ADK: variants seen among roughly 807,000 people sequenced by gnomAD.
The protein encoded by ADK is adenosine kinase, also known as N6,N6-dimethyladenosine kinase.
Under a neutral mutation model 44.7 loss-of-function variants are expected in ADK, and 24 were observed. That is an observed-to-expected ratio of 0.54 (90% CI 0.39 to 0.76). ADK has a LOEUF of 0.76. ADK is among the 30% of genes least tolerant of loss of function. The probability of loss-of-function intolerance (pLI) is 0.00; values close to 1 mark genes in which losing one functional copy is unlikely to be tolerated. For synonymous variants in ADK, 128 were observed against 142.6 expected, an observed-to-expected ratio of 0.90 and a Z score of 0.73; for missense variants, 321 against 425.1, an observed-to-expected ratio of 0.76 and a Z score of 2.15.
At chr10:74,701,314 A>AGT (rs139941280) in intron 10 of ADK, among the ~76,000 whole-genome samples, 2 of 151,856 alleles carry the variant, frequency 1.3e-5, no homozygotes, top group Non-Finnish European at 2.9e-5. Flanking sequence ...TATGGATGTA[A>AGT]GTGTGTGTGT....
chr10:74,355,990 ACTAAATAATTCAT>A (rs1842123752), intron 4 of ADK, among the ~76,000 whole-genome samples: 2 of 137,046 alleles, frequency 1.5e-5, no homozygotes, highest in Non-Finnish European at 3.2e-5. Context: ...GAAATATTTC[ACTAAATAATTCAT>A]TTTTTTTTTT....
rs201587599 is a variant in ADK, at chr10:74,160,687, A to AGG, written c.65+9347_65+9348dup. On this transcript the variant is annotated intron_variant, in intron 1 of 10. Coordinates refer to ENST00000539909, the MANE Select transcript of ADK (RefSeq NM_006721.4). ...TAGGGGTGTGTGCGTGCATGCAGGT[A>AGG]GGGGTGTGTGTGTGTGTGTGTGTGT... Among the ~76,000 whole-genome samples, 227 of 135,654 alleles carry AGG rather than the reference A, an allele frequency of 1.7e-3. 1 individual carries two copies. The highest frequency in any genetic ancestry group is 6.0e-3 in the African/African-American group (206 of 34,412). 89.0% of individuals were successfully genotyped at this position (135,654 alleles called of 152,430 possible).
chr10:74,222,256 A>C (rs1844340430), intron 2 of ADK, among the ~76,000 whole-genome samples: 2 of 152,342 alleles, frequency 1.3e-5, no homozygotes, highest in South Asian at 4.1e-4. Flanking sequence ...AAACACATGA[A>C]AAAATGCTCA....
intron 9 of ADK, among the ~76,000 whole-genome samples, chr10:74,606,652 C>T (rs1852333600): frequency 6.6e-6 from 1 of 152,018 alleles, no homozygotes; most frequent in Non-Finnish European, 1.5e-5. Flanking sequence ...GTTTTACTTC[C>T]AATTATGTGG....
At chr10:74,247,998 G>T (rs1845492607) in intron 3 of ADK, among the ~76,000 whole-genome samples, 1 of 152,104 alleles carries the variant, frequency 6.6e-6, no homozygotes, top group Non-Finnish European at 1.5e-5. Context: ...TTATTTCTCA[G>T]GTTGAGCCTC....
chr10:74,456,253 A>G (rs1317104335), intron 6 of ADK, among the ~76,000 whole-genome samples: 1 of 152,138 alleles, frequency 6.6e-6, no homozygotes, highest in African/African-American at 2.4e-5. Context: ...TCCGCACCAC[A>G]TCGCCCTTAC....
chr10:74,448,608 A>G (rs1845667208), intron 6 of ADK, among the ~76,000 whole-genome samples: 1 of 152,074 alleles, frequency 6.6e-6, no homozygotes, highest in Non-Finnish European at 1.5e-5. Flanking sequence ...TTTTTCCTTT[A>G]TGACACTCCT....
At chr10:74,479,980 G>C (rs1847005644) in intron 6 of ADK, among the ~76,000 whole-genome samples, 1 of 151,952 alleles carries the variant, frequency 6.6e-6, no homozygotes, top group African/African-American at 2.4e-5. Context: ...TCCTGTGTTT[G>C]AGTTTTCCCC....
chr10:74,583,893 C>T (rs926663172), intron 7 of ADK, among the ~76,000 whole-genome samples: 2 of 152,184 alleles, frequency 1.3e-5, no homozygotes. Context: ...CAAGCCCACT[C>T]ATGTCCGGTC....
intron 10 of ADK, among the ~76,000 whole-genome samples, chr10:74,684,780 AAAAT>A (rs1855730358): frequency 6.6e-6 from 1 of 152,222 alleles, no homozygotes; most frequent in African/African-American, 2.4e-5. Flanking sequence ...TCAAAAAACA[AAAAT>A]AAAACATGTC....
intron 3 of ADK, among the ~76,000 whole-genome samples, chr10:74,288,661 G>A (rs1358214549): frequency 6.6e-6 from 1 of 152,014 alleles, no homozygotes; most frequent in East Asian, 1.9e-4. Context: ...AAAAAGAAAA[G>A]TGAACATAAA....
At chr10:74,474,519 C>CCCTTTCTTTCCTTTCTTT (rs756682456) in intron 6 of ADK, among the ~76,000 whole-genome samples, 1 of 150,684 alleles carries the variant, frequency 6.6e-6, no homozygotes, top group Non-Finnish European at 1.5e-5. Flanking sequence ...CCCTTCCCTT[C>CCCTTTCTTTCCTTTCTTT]CCTTTCTTTC....
intron 3 of ADK, among the ~76,000 whole-genome samples, chr10:74,256,937 C>T (rs979536712): frequency 6.6e-6 from 1 of 152,048 alleles, no homozygotes; most frequent in Non-Finnish European, 1.5e-5. Flanking sequence ...AGCACAATAA[C>T]TTAGGTAACA....
intron 1 of ADK, among the ~76,000 whole-genome samples, chr10:74,177,788 C>G (rs1281881306): frequency 6.6e-6 from 1 of 151,870 alleles, no homozygotes; most frequent in Non-Finnish European, 1.5e-5. Context: ...CCAGGCTCCA[C>G]CCGTCCTGGT....
intron 6 of ADK, among the ~76,000 whole-genome samples, chr10:74,498,014 C>T (rs1010480087): frequency 3.9e-5 from 6 of 152,050 alleles, no homozygotes; most frequent in Admixed American, 2.6e-4. Context: ...CTCAGCCTCC[C>T]CAGTAGCTGG....
chr10:74,180,497 T>TCACCCAG, intron 1 of ADK, among the ~76,000 whole-genome samples: 1 of 142,196 alleles, frequency 7.0e-6, no homozygotes, highest in South Asian at 2.3e-4. Flanking sequence ...TCTCGCTCTG[T>TCACCCAG]CACCCAGGCT....
chr10:74,480,704 C>A (rs1385906541), intron 6 of ADK, among the ~76,000 whole-genome samples: 1 of 151,978 alleles, frequency 6.6e-6, no homozygotes, highest in Non-Finnish European at 1.5e-5. Context: ...GTGTCTTAGA[C>A]CTTTCTTGTT....
chr10:74,220,896 A>G (rs982410350), intron 2 of ADK, among the ~76,000 whole-genome samples: 10 of 152,060 alleles, frequency 6.6e-5, no homozygotes, highest in African/African-American at 9.7e-5. Flanking sequence ...ATCTATGACA[A>G]ACCCATAGCC....
intron 7 of ADK, among the ~76,000 whole-genome samples, chr10:74,541,804 C>T (rs1189218901): frequency 1.5e-5 from 2 of 137,198 alleles, no homozygotes; most frequent in South Asian, 2.6e-4. Context: ...ACCCCCCCCC[C>T]CTAAAAAAAA....
Sources: gnomAD v4.1 joint callset for allele counts (sites outside exome capture counted in the v4.1 genomes callset) on GRCh38, gnomAD v4.1.1 for gene constraint, MANE v1.5 for transcripts, NCBI Gene and HGNC (gene_info 2026-07-23, HGNC 2026-07-21) for gene names.